ENPP3: variants seen among roughly 807,000 people sequenced by gnomAD.
ENPP3 encodes the protein ectonucleotide pyrophosphatase/phosphodiesterase family member 3.
A neutral mutation model predicts 117.8 loss-of-function variants in ENPP3; 104 were observed. That is an observed-to-expected ratio of 0.88 (90% CI 0.75 to 1.04). ENPP3 has a LOEUF of 1.04. Among genes scored for constraint, ENPP3 ranks in the 50% least tolerant of loss-of-function variants. The pLI, the probability that ENPP3 is intolerant of heterozygous loss-of-function variation, is 0.00. For synonymous variants in ENPP3, 380 were observed against 349.9 expected (o/e 1.09, Z -0.96); for missense variants, 1,026 against 1,051.9 (o/e 0.98, Z 0.34).
chr6:131,679,001 G>C (rs10456993), intron 11 of ENPP3, among the ~76,000 whole-genome samples: 6,700 of 40,518 alleles, frequency 0.17, 1,525 homozygotes, highest in African/African-American at 0.4. Flanking sequence ...TTCCTTCCTT[G>C]CTTCCTTCCT....
intron 14 of ENPP3, among the ~76,000 whole-genome samples, chr6:131,692,990 A>C (rs1159933827): frequency 7.0e-6 from 1 of 143,500 alleles, no homozygotes; most frequent in East Asian, 2.0e-4. Context: ...ATACAACTAT[A>C]TATGATACAG....
At chr6:131,645,226 A>G (rs1778130799) in intron 2 of ENPP3, among the ~76,000 whole-genome samples, 1 of 152,230 alleles carries the variant, frequency 6.6e-6, no homozygotes, top group Non-Finnish European at 1.5e-5. Context: ...AGATCAAGGA[A>G]TGAAGTTTCA....
chr6:131,651,898 C>G (rs1002281966), intron 3 of ENPP3, among the ~76,000 whole-genome samples: 1 of 152,186 alleles, frequency 6.6e-6, no homozygotes, highest in African/African-American at 2.4e-5. Context: ...GAATGTTTGT[C>G]TAAGCACAAG....
chr6:131,667,015 G>A (rs1342471051), intron 6 of ENPP3, among the ~76,000 whole-genome samples: 1 of 152,158 alleles, frequency 6.6e-6, no homozygotes, highest in Non-Finnish European at 1.5e-5. Flanking sequence ...TATCTTGGAA[G>A]GAAGCCAGCT....
intron 1 of ENPP3, among the ~76,000 whole-genome samples, chr6:131,638,822 T>C (rs1777980594): frequency 6.6e-6 from 1 of 151,980 alleles, no homozygotes; most frequent in Non-Finnish European, 1.5e-5. Flanking sequence ...TTAATTTTAT[T>C]ATTTTGGTAA....
intron 11 of ENPP3, 77 bp from the exon 12 acceptor site, chr6:131,682,977 T>C: frequency 4.4e-6 from 4 of 911,924 alleles, no homozygotes; most frequent in South Asian, 4.1e-5. Context: ...ATGTGTTTAA[T>C]TTTTACTTCA....
At chr6:131,740,965 A>C (rs1780516492) in intron 24 of ENPP3, among the ~76,000 whole-genome samples, 1 of 152,122 alleles carries the variant, frequency 6.6e-6, no homozygotes, top group South Asian at 2.1e-4. Flanking sequence ...CACTAAATTA[A>C]TGTTTCTGAA....
At chr6:131,740,712 T>C (rs1018887590) in intron 24 of ENPP3, among the ~76,000 whole-genome samples, 1 of 152,174 alleles carries the variant, frequency 6.6e-6, no homozygotes, top group Non-Finnish European at 1.5e-5. Context: ...TGTATGTATT[T>C]ATGAGGATAG....
chr6:131,665,581 G>A (rs1047604219), intron 6 of ENPP3, among the ~76,000 whole-genome samples: 8 of 151,982 alleles, frequency 5.3e-5, no homozygotes, highest in African/African-American at 1.7e-4. Context: ...AGTATCAATT[G>A]TAATGTCTCC....
At chr6:131,705,601 A>AT (rs1191999029) in intron 15 of ENPP3, among the ~76,000 whole-genome samples, 1 of 135,456 alleles carries the variant, frequency 7.4e-6, no homozygotes, top group East Asian at 2.1e-4. Flanking sequence ...GGACTGTTCT[A>AT]TTTTTTCCAT....
In ENPP3 at chr6:131,709,403, G is replaced by A. The variant is rs201703955; in HGVS notation, c.1413-9269G>A. The stretch of plus-strand genomic sequence containing the variant: ...AGTGGATCCTCCAACAAAGTTTGAG[G>A]AGAGGGAAAAGCTCTCGTTTCAGAT... On this transcript the variant is annotated intron_variant, in intron 15 of 24. Transcript: ENST00000357639. 3,496 of 1,552,796 alleles carry A rather than the reference G, an allele frequency of 2.3e-3. 55 individuals carry two copies. The African/African-American group carries it at 0.032, about 14-fold the overall frequency.
Position 131,650,140 on chromosome 6 carries a change from G to A in ENPP3, c.268G>A (p.Val90Met), listed in dbSNP as rs1778232800. Residue 90 changes from valine (V) to methionine (M), a missense_variant, in exon 3 of 25, where the codon GTG (valine) becomes ATG (methionine). Val to Met is a conservative substitution (Grantham distance 21). Coordinates refer to ENST00000357639, the MANE Select transcript of ENPP3 (RefSeq NM_005021.5). ...CTGCTGGGATTTTGAAGACACCTGT[G>A]TGGAATCAAGTATGAGTTCTGAGAA... is the stretch of plus-strand genomic sequence containing the variant. ...DCCWDFEDTC[V>M]ESTRIWMCNK... 1 of 1,613,916 alleles carries A rather than the reference G, an allele frequency of 6.2e-7. No homozygotes were observed. Among genetic ancestry groups the A allele is most frequent in the Non-Finnish European group, 8.5e-7 (1 of 1,179,956 alleles).
At chr6:131,648,821 G>C (rs1272935860) in intron 2 of ENPP3, among the ~76,000 whole-genome samples, 3 of 152,108 alleles carry the variant, frequency 2.0e-5, no homozygotes, top group Admixed American at 6.6e-5. Flanking sequence ...ATTTAGCTGG[G>C]CACACACTCC....
At chr6:131,693,316 C>T (rs1291146531) in intron 14 of ENPP3, among the ~76,000 whole-genome samples, 181 bp from the exon 15 acceptor site, 1 of 140,566 alleles carries the variant, frequency 7.1e-6, no homozygotes, top group African/African-American at 3.0e-5. Flanking sequence ...ATTGCAACGG[C>T]AAAACTAATA....
intron 15 of ENPP3, among the ~76,000 whole-genome samples, chr6:131,699,107 A>G (rs1203139815): frequency 6.7e-6 from 1 of 150,138 alleles, no homozygotes; most frequent in African/African-American, 2.5e-5. Context: ...GCGTGGTGGC[A>G]CATGCCTGTA....
In ENPP3 at chr6:131,720,916, A is replaced by G. The variant is rs116019198; in HGVS notation, c.1567+537A>G. On this transcript the variant is annotated intron_variant, in intron 17 of 24. Coordinates refer to ENST00000357639, the MANE Select transcript of ENPP3 (RefSeq NM_005021.5). ...GATAAACTTTAGATCTCAGAAGACC[A>G]ACCTTTTCTATTAGTTAGTTACTAG... Among the ~76,000 whole-genome samples, 1,402 of 152,268 alleles carry G rather than the reference A, an allele frequency of 9.2e-3. 22 individuals are homozygous for G. The highest frequency in any genetic ancestry group is 0.031 in the African/African-American group (1,304 of 41,546).
rs11754555 is a variant in ENPP3, at chr6:131,747,097, T to C, written c.*141T>C. 0.25 allele frequency: 120,280 copies of C among 472,822 alleles called. 16,737 individuals carry two copies. The highest frequency in any genetic ancestry group is 0.36 in the Middle Eastern group (646 of 1,794). The allele number at this position is 472,822 out of a possible 1,614,324, so 29.3% of individuals were successfully genotyped here. ...TAAAAGCCATAATTTTTATTATTCC[T>C]TTTTCTCTTTTTTCAATTCTATGAA... is the stretch of plus-strand genomic sequence containing the variant. On this transcript the variant is annotated 3_prime_UTR_variant, in exon 25 of 25. Transcript: ENST00000357639.
At chr6:131,688,223 T>C (rs1295155400) in intron 14 of ENPP3, among the ~76,000 whole-genome samples, 1 of 152,316 alleles carries the variant, frequency 6.6e-6, no homozygotes, top group East Asian at 1.9e-4. Context: ...AAATATTACA[T>C]GCGTGCTGAT....
Position 131,683,256 on chromosome 6 carries a change from A to G in ENPP3, c.1120+94A>G, listed in dbSNP as rs192688517. 5.4e-5 allele frequency: 38 copies of G among 710,124 alleles called. No individual in the cohort carries two copies. In the East Asian group the frequency reaches 9.1e-4, roughly 17 times the overall value. The allele number at this position is 710,124 out of a possible 1,614,324, so 44.0% of individuals were successfully genotyped here. Reference sequence around the variant, plus strand: ...ATAATAGTGATATTTTAAAATCTCTACTTCCAGACCTAAAGTCTCTTGAAG... The same window carrying G: ...ATAATAGTGATATTTTAAAATCTCTGCTTCCAGACCTAAAGTCTCTTGAAG... On this transcript the variant is annotated intron_variant, in intron 12 of 24. Transcript: ENST00000357639.
Sources: allele counts gnomAD v4.1 joint callset (sites outside exome capture counted in the v4.1 genomes callset), GRCh38; gene constraint gnomAD v4.1.1; transcripts MANE v1.5; gene names NCBI Gene and HGNC (gene_info 2026-07-23, HGNC 2026-07-21).